Variants in ERBIN observed in about 807,000 individuals in gnomAD.
ERBIN encodes the protein densin-180-like protein.
Under a neutral mutation model 158.4 loss-of-function variants are expected in ERBIN, and 60 were observed. The ratio of observed to expected loss-of-function variants is 0.38; its 90% CI spans 0.31 to 0.47. The LOEUF (loss-of-function observed/expected upper bound fraction) is 0.47. ERBIN is among the 20% of genes least tolerant of loss of function. The pLI, the probability that ERBIN is intolerant of heterozygous loss-of-function variation, is 0.99. For missense variants in ERBIN, 1,610 were observed against 1,648.0 expected (o/e 0.98, Z 0.40); for synonymous variants, 594 against 557.2 (o/e 1.07, Z -0.93).
rs375652349 is a variant in ERBIN at position 66,050,768 on chromosome 5, T to C, written c.1904-15T>C. The C allele has an allele frequency of 6.8e-7, 1 of 1,478,010 alleles. No individual in the cohort carries two copies. The highest frequency in any genetic ancestry group is 1.5e-5 in the African/African-American group (1 of 68,854). 91.6% of individuals were successfully genotyped at this position (1,478,010 alleles called of 1,614,324 possible). Reference sequence around the variant, plus strand: ...TGGGGAATTTATCATTAATCTTAAATTTGTTTTGTTTCAGATGATACAAAG... The same window carrying C: ...TGGGGAATTTATCATTAATCTTAAACTTGTTTTGTTTCAGATGATACAAAG... On this transcript the variant is annotated splice_polypyrimidine_tract_variant and intron_variant, in intron 19 of 25. Coordinates refer to ENST00000284037, the MANE Select transcript of ERBIN (RefSeq NM_001253697.2).
intron 1 of ERBIN, among the ~76,000 whole-genome samples, chr5:65,927,902 C>T (rs37236): frequency 6.6e-6 from 1 of 152,024 alleles, no homozygotes; most frequent in Non-Finnish European, 1.5e-5. Context: ...TTTCTGTTTA[C>T]TTTTTTTCCC....
intron 21 of ERBIN, among the ~76,000 whole-genome samples, chr5:66,055,908 A>G: frequency 6.6e-6 from 1 of 152,206 alleles, no homozygotes; most frequent in East Asian, 1.9e-4. Context: ...GCAGTCCTCA[A>G]CTTTAAATGA....
At chr5:66,012,408 T>C (rs1754300099) in intron 5 of ERBIN, among the ~76,000 whole-genome samples, 1 of 152,202 alleles carries the variant, frequency 6.6e-6, no homozygotes, top group East Asian at 1.9e-4. Context: ...CCTCACTCTG[T>C]GTTATTTACA....
chr5:66,075,384 G>A (rs1020761212), intron 23 of ERBIN, among the ~76,000 whole-genome samples, 154 bp downstream of exon 23: 5 of 152,100 alleles, frequency 3.3e-5, no homozygotes, highest in African/African-American at 4.8e-5. Flanking sequence ...CGTTAAACTT[G>A]GTAATTTTTA....
At chr5:65,932,700 T>G (rs983293354) in intron 1 of ERBIN, among the ~76,000 whole-genome samples, 1 of 152,234 alleles carries the variant, frequency 6.6e-6, no homozygotes. Flanking sequence ...AGCTTGATCT[T>G]TAAGCCCACT....
chr5:65,999,070 A>C (rs1401408385), intron 4 of ERBIN, among the ~76,000 whole-genome samples: 1 of 152,028 alleles, frequency 6.6e-6, no homozygotes, highest in Non-Finnish European at 1.5e-5. Flanking sequence ...ATCATTGCTT[A>C]TATAAAATGT....
At chr5:65,968,591 T>C (rs1267438871) in intron 1 of ERBIN, among the ~76,000 whole-genome samples, 5 of 152,218 alleles carry the variant, frequency 3.3e-5, no homozygotes, top group Admixed American at 1.3e-4. Context: ...GACGATGTCT[T>C]GCTCCGTTGC....
chr5:66,036,380 C>T (rs957267347), intron 14 of ERBIN, among the ~76,000 whole-genome samples: 3 of 152,196 alleles, frequency 2.0e-5, no homozygotes, highest in Admixed American at 1.3e-4. Context: ...GGCTTCATCT[C>T]TACCCCATAC....
In ERBIN at chr5:65,955,431, A is replaced by T. The variant is rs186507594; in HGVS notation, c.-58+28625A>T. Among the ~76,000 whole-genome samples, 1,125 of 152,278 alleles carry T rather than the reference A, an allele frequency of 7.4e-3. 20 individuals are homozygous for T. The highest frequency in any genetic ancestry group is 0.026 in the African/African-American group (1,076 of 41,550). On this transcript the variant is annotated intron_variant, in intron 1 of 25. Coordinates refer to ENST00000284037, the MANE Select transcript of ERBIN (RefSeq NM_001253697.2). ...GATCACTTGAGGTCAGGAGTTCAAG[A>T]CCAGCCTGGCCAACATGGTGAAACC...
intron 1 of ERBIN, among the ~76,000 whole-genome samples, chr5:65,984,490 G>GCC (rs1750996397): frequency 2.0e-5 from 3 of 152,118 alleles, no homozygotes; most frequent in Non-Finnish European, 4.4e-5. Context: ...CAGGCTTCAT[G>GCC]CCCACCCAGG....
chr5:66,060,527 G>C (rs915601721), intron 21 of ERBIN, among the ~76,000 whole-genome samples: 48 of 152,176 alleles, frequency 3.2e-4, no homozygotes, highest in African/African-American at 1.1e-3. Context: ...GGTTTTTTGT[G>C]TCTCTATCTC....
chr5:66,037,073 G>C (rs993566067), intron 14 of ERBIN, among the ~76,000 whole-genome samples: 1 of 152,124 alleles, frequency 6.6e-6, no homozygotes, highest in Non-Finnish European at 1.5e-5. Context: ...AGGGTGATGA[G>C]TTTTTAAAAG....
At chr5:66,025,165 T>A (rs993816422) in intron 10 of ERBIN, 13 of 306,132 alleles carry the variant, frequency 4.2e-5, no homozygotes, top group African/African-American at 1.1e-4. Context: ...GTCTGTCTTT[T>A]CTGTGCCATG....
intron 1 of ERBIN, among the ~76,000 whole-genome samples, chr5:65,951,155 C>T (rs16894572): frequency 1.3e-5 from 2 of 152,050 alleles, no homozygotes; most frequent in African/African-American, 2.4e-5. Flanking sequence ...TCAAGTGAAC[C>T]TAAAATTGGT....
chr5:66,036,542 C>CCT (rs1295220011), intron 14 of ERBIN, among the ~76,000 whole-genome samples: 1 of 152,148 alleles, frequency 6.6e-6, no homozygotes, highest in Non-Finnish European at 1.5e-5. Flanking sequence ...GTGAATTTCT[C>CCT]CTCCTGTATG....
chr5:66,012,336 G>T (rs751837673), intron 5 of ERBIN, among the ~76,000 whole-genome samples: 1 of 152,152 alleles, frequency 6.6e-6, no homozygotes, highest in Non-Finnish European at 1.5e-5. Context: ...GAGATAGTGA[G>T]AGTGTTTTGC....
At position 66,080,511 on chromosome 5, in the gene ERBIN, A is replaced by G. The variant is rs1236006932; in HGVS notation, c.*1981A>G. 1 of 152,028 alleles carries G rather than the reference A, an allele frequency of 6.6e-6. No homozygotes were observed. Among genetic ancestry groups the G allele is most frequent in the African/African-American group, 2.4e-5 (1 of 41,412 alleles). The allele number at this position is 152,028 out of a possible 1,614,324, so 9.4% of individuals were successfully genotyped here. ...AAAAGAATGACAAACAGCTTCTTTA[A>G]GACAAGTCTCGGTGTTCCCTTTATT... is the stretch of plus-strand genomic sequence containing the variant. On this transcript the variant is annotated 3_prime_UTR_variant, in exon 26 of 26. Transcript: ENST00000284037.
Position 66,046,528 on chromosome 5 carries a change from A to T in ERBIN, c.1778A>T (p.Asp593Val), listed in dbSNP as rs1323044953. The T allele has an allele frequency of 6.3e-7, 1 of 1,578,994 alleles. No individual in the cohort carries two copies. Among genetic ancestry groups the T allele is most frequent in the Non-Finnish European group, 8.6e-7 (1 of 1,162,788 alleles). The stretch of plus-strand genomic sequence containing the variant: ...TTGAAGCATATTGTTAACCATGATG[A>T]TGTTTTTGAGGTATGATTTTATGAT... Reference protein sequence around the residue: ...ENLKHIVNHDDVFEESEELSS... With the variant: ...ENLKHIVNHDVVFEESEELSS... Residue 593 changes from aspartate to valine, a missense_variant, in exon 18 of 26, where the codon GAT becomes GTT. Asp to Val is a radical substitution (Grantham distance 152, BLOSUM62 -3). This residue lies in a region of ERBIN where 596 missense variants were observed against 711.9 expected (regional missense o/e 0.84). Coordinates refer to ENST00000284037, the MANE Select transcript of ERBIN (RefSeq NM_001253697.2).
chr5:66,026,305 G>A lies in ERBIN; in HGVS notation c.1024G>A (p.Gly342Arg), dbSNP rs1195808240. 1 of 1,571,762 alleles carries A rather than the reference G, an allele frequency of 6.4e-7. No individual in the cohort carries two copies. Among genetic ancestry groups the A allele is most frequent in the Non-Finnish European group, 8.6e-7 (1 of 1,162,292 alleles). Residue 342 changes from glycine to arginine, a missense_variant, in exon 13 of 26, where the codon GGA becomes AGA. Gly to Arg is a moderately radical substitution (Grantham distance 125, BLOSUM62 -2). This residue lies in a region of ERBIN where 596 missense variants were observed against 711.9 expected (regional missense o/e 0.84). Transcript: ENST00000284037. ...NYLQQLPPEIGSWKNITVLFL... is the reference protein window; with the variant it reads ...NYLQQLPPEIRSWKNITVLFL... ...TCAGTTTATATTTCTCTTTCAGATT[G>A]GAAGCTGGAAAAATATAACTGTGCT... is the stretch of plus-strand genomic sequence containing the variant.
Sources: gnomAD v4.1 joint callset for allele counts (sites outside exome capture counted in the v4.1 genomes callset) on GRCh38, gnomAD v4.1.1 for gene constraint, gnomAD v4.1.1 regional missense constraint, MANE v1.5 for transcripts, NCBI Gene and HGNC (gene_info 2026-07-23, HGNC 2026-07-21) for gene names.